The following CORO2B variants were observed in gnomAD, a reference collection of about 807,000 sequenced individuals.
CORO2B encodes coronin-2B.
A neutral mutation model predicts 58.8 loss-of-function variants in CORO2B; 26 were observed. The observed-to-expected ratio is 0.44, with a 90% CI of 0.32 to 0.61. The LOEUF (loss-of-function observed/expected upper bound fraction) is 0.61, where lower values mean the gene tolerates loss of function less well. Among genes scored for constraint, CORO2B ranks in the 20% least tolerant of loss-of-function variants. The pLI, the probability that CORO2B is intolerant of heterozygous loss-of-function variation, is 0.04. For synonymous variants in CORO2B, 242 were observed against 253.8 expected, an observed-to-expected ratio of 0.95 and a Z score of 0.44; for missense variants, 460 against 645.1, an observed-to-expected ratio of 0.71 and a Z score of 3.11.
chr15:68,672,159 G>GGTGTGTGTGTGTGTGTGTGTGTGT (rs60989044), intron 2 of CORO2B, among the ~76,000 whole-genome samples: 217 of 146,284 alleles, frequency 1.5e-3, no homozygotes, highest in African/African-American at 3.4e-3. Context: ...GTAATCGGGA[G>GGTGTGTGTGTGTGTGTGTGTGTGT]GTGTGTGTGT....
At chr15:68,601,114 G>T (rs1174485514) in intron 1 of CORO2B, among the ~76,000 whole-genome samples, 1 of 152,218 alleles carries the variant, frequency 6.6e-6, no homozygotes, top group African/African-American at 2.4e-5. Context: ...GTGAATGGTT[G>T]ACAGGTAGAG....
At chr15:68,721,423 G>A (rs576902747) in intron 11 of CORO2B, among the ~76,000 whole-genome samples, 3 of 152,104 alleles carry the variant, frequency 2.0e-5, no homozygotes, top group Admixed American at 1.3e-4. Context: ...ATGGTCATAC[G>A]GGCTGGGCGC....
chr15:68,691,918 CACTT>C (rs1450311949), intron 2 of CORO2B, among the ~76,000 whole-genome samples: 3 of 152,304 alleles, frequency 2.0e-5, no homozygotes, highest in East Asian at 3.9e-4. Flanking sequence ...GGGTGCCAAA[CACTT>C]AATGCACACA....
intron 1 of CORO2B, among the ~76,000 whole-genome samples, chr15:68,593,528 C>G (rs1047229610): frequency 6.6e-6 from 1 of 152,156 alleles, no homozygotes; most frequent in Non-Finnish European, 1.5e-5. Context: ...GCCTCGTTCT[C>G]TAGACACTTG....
Position 68,677,983 on chromosome 15 carries a change from C to T in CORO2B, c.217-17157C>T, listed in dbSNP as rs79805870. On this transcript the variant is annotated intron_variant, in intron 2 of 11. Coordinates refer to ENST00000261861, the MANE Select transcript of CORO2B (RefSeq NM_006091.5). ...TATTTCATGAAAATCTCCTGCCTCT[C>T]GGAGGCCTGGTGGGGCCCAGCCCCC... 4.3e-3 allele frequency among the ~76,000 whole-genome samples: 651 copies of T among 152,308 alleles called. 2 individuals are homozygous for T. Among genetic ancestry groups the T allele is most frequent in the African/African-American group, 0.015 (611 of 41,576 alleles).
the CORO2B span, among the ~76,000 whole-genome samples, chr15:68,557,925 G>A: frequency 6.6e-6 from 1 of 152,158 alleles, no homozygotes; most frequent in East Asian, 1.9e-4. Flanking sequence ...CACCTCCCAG[G>A]TAATATATTA....
intron 3 of CORO2B, among the ~76,000 whole-genome samples, chr15:68,700,252 A>C (rs1164637708): frequency 6.6e-6 from 1 of 152,190 alleles, no homozygotes; most frequent in Non-Finnish European, 1.5e-5. Flanking sequence ...ACTGTGCTAC[A>C]TACAGGGCTG....
chr15:68,532,371 G>A, the CORO2B span, among the ~76,000 whole-genome samples: 152 of 152,240 alleles, frequency 1.0e-3, no homozygotes, highest in African/African-American at 3.6e-3. Context: ...TTTGGTGTCA[G>A]TGGTTTCTGT....
At chr15:68,639,883 C>G (rs892919050) in intron 1 of CORO2B, among the ~76,000 whole-genome samples, 1 of 152,208 alleles carries the variant, frequency 6.6e-6, no homozygotes, top group Non-Finnish European at 1.5e-5. Flanking sequence ...TCTGCTCTCA[C>G]TAGAATCAGT....
the CORO2B span, among the ~76,000 whole-genome samples, chr15:68,551,052 G>A: frequency 6.6e-6 from 1 of 152,150 alleles, no homozygotes; most frequent in South Asian, 2.1e-4. Context: ...TCTTGGTGGA[G>A]AGGAGGTTCC....
chr15:68,609,960 T>G (rs1343414999), intron 1 of CORO2B, among the ~76,000 whole-genome samples: 1 of 152,174 alleles, frequency 6.6e-6, no homozygotes, highest in Non-Finnish European at 1.5e-5. Flanking sequence ...CAGGGGACCC[T>G]GTAATTGTGC....
chr15:68,612,455 T>C (rs904363490), intron 1 of CORO2B, among the ~76,000 whole-genome samples: 3 of 152,196 alleles, frequency 2.0e-5, no homozygotes, highest in African/African-American at 7.2e-5. Flanking sequence ...AGAGGAGTCC[T>C]GGAATACTGG....
At chr15:68,666,097 A>G (rs1256160158) in intron 2 of CORO2B, among the ~76,000 whole-genome samples, 2 of 152,224 alleles carry the variant, frequency 1.3e-5, no homozygotes, top group African/African-American at 4.8e-5. Flanking sequence ...CAAAGTTTAA[A>G]TCATTTAGCA....
At chr15:68,576,303 G>T, upstream of CORO2B, among the ~76,000 whole-genome samples, 1 of 152,096 alleles carries the variant, frequency 6.6e-6, no homozygotes, top group East Asian at 1.9e-4. Flanking sequence ...TCTGCCTGGG[G>T]AGATGTGACA....
At chr15:68,522,161 C>T in the CORO2B span, among the ~76,000 whole-genome samples, 1 of 152,048 alleles carries the variant, frequency 6.6e-6, no homozygotes, top group Non-Finnish European at 1.5e-5. Context: ...CAAAGATTCA[C>T]AATGATGTTT....
chr15:68,660,472 G>C (rs1901979170), intron 2 of CORO2B, among the ~76,000 whole-genome samples: 1 of 152,170 alleles, frequency 6.6e-6, no homozygotes, highest in Admixed American at 6.5e-5. Context: ...CTGGGCTCAA[G>C]TGATGCTCTC....
chr15:68,565,763 C>T, the CORO2B span, among the ~76,000 whole-genome samples: 12 of 152,344 alleles, frequency 7.9e-5, no homozygotes, highest in Non-Finnish European at 1.8e-4. Flanking sequence ...TCACGCCTCT[C>T]ATTCCTTTCT....
chr15:68,559,779 AG>A, the CORO2B span, among the ~76,000 whole-genome samples: 4 of 152,004 alleles, frequency 2.6e-5, no homozygotes, highest in Non-Finnish European at 4.4e-5. This position sits in a 1 kb window ranked among gnomAD's most constrained non-coding sequence, Gnocchi z 4.3. Context: ...CGTGCCCACC[AG>A]GGGGCGCGGC....
chr15:68,632,009 T>A, intron 1 of CORO2B: 1 of 985,422 alleles, frequency 1.0e-6, no homozygotes, highest in Non-Finnish European at 1.2e-6. Context: ...TGACCTTTAG[T>A]AATGAGGGAG....
Sources: gnomAD v4.1 joint callset for allele counts (sites outside exome capture counted in the v4.1 genomes callset) on GRCh38, gnomAD v4.1.1 for gene constraint, Gnocchi (gnomAD v3.1) non-coding constraint, MANE v1.5 for transcripts, NCBI Gene and HGNC (gene_info 2026-07-23, HGNC 2026-07-21) for gene names.